Variants in KCNG1 observed in about 807,000 individuals in gnomAD.
KCNG1 encodes potassium voltage-gated channel modifier subfamily G member 1, also known as voltage-gated potassium channel regulatory subunit KCNG1.
In KCNG1, 17 loss-of-function variants were observed where a neutral mutation model predicts 32.4. That is an observed-to-expected ratio of 0.52 (90% CI 0.36 to 0.79). The LOEUF is 0.79. KCNG1 is among the 30% of genes least tolerant of loss of function. The pLI is 0.00. For synonymous variants in KCNG1, 358 were observed against 339.9 expected (o/e 1.05, Z -0.59); for missense variants, 441 against 735.2 (o/e 0.60, Z 4.63).
In KCNG1 at chr20:51,005,201, T is replaced by C. The variant is rs539420875; in HGVS notation, c.775-395A>G. The C allele has an allele frequency of 5.8e-6, 1 of 171,276 alleles. No homozygotes were observed. The highest frequency in any genetic ancestry group is 1.7e-4 in the East Asian group (1 of 5,998). The allele number at this position is 171,276 out of a possible 1,614,324, so 10.6% of individuals were successfully genotyped here. A position where few individuals can be genotyped will look rare whatever the true frequency, so the allele number is the denominator to read the frequency against. ...ATGGCTTAGGACAGGAGACCTGGCG[T>C]CATCCTTACCACCTTGCGTATAACC... On this transcript the variant is annotated intron_variant, in intron 2 of 2. Transcript: ENST00000371571. This position sits in a 1 kb window ranked among gnomAD's most constrained non-coding sequence, Gnocchi z 4.0.
At chr20:51,013,297 T>C (rs1423824968) in intron 1 of KCNG1, among the ~76,000 whole-genome samples, 1 of 150,736 alleles carries the variant, frequency 6.6e-6, no homozygotes, top group Non-Finnish European at 1.5e-5. Context: ...CAAGACTCTG[T>C]CTAAAACAAA....
At chr20:51,014,281 A>G (rs1988198136) in intron 1 of KCNG1, among the ~76,000 whole-genome samples, 1 of 152,202 alleles carries the variant, frequency 6.6e-6, no homozygotes, top group Admixed American at 6.5e-5. Flanking sequence ...TGTGAGATGG[A>G]CGGCTCAGCA....
Position 51,004,941 on chromosome 20 carries a change from T to G in KCNG1, c.775-135A>C, listed in dbSNP as rs1987770422. The G allele has an allele frequency of 1.2e-6, 1 of 854,480 alleles. No individual in the cohort carries two copies. Among genetic ancestry groups the G allele is most frequent in the Non-Finnish European group, 1.7e-6 (1 of 576,136 alleles). The allele number at this position is 854,480 out of a possible 1,614,324, so 52.9% of individuals were successfully genotyped here. A position where few individuals can be genotyped will look rare whatever the true frequency, so the allele number is the denominator to read the frequency against. On this transcript the variant is annotated intron_variant, in intron 2 of 2. Coordinates refer to ENST00000371571, the MANE Select transcript of KCNG1 (RefSeq NM_002237.4). This position sits in a 1 kb window ranked among gnomAD's most constrained non-coding sequence, Gnocchi z 4.3. ...CCAGGTTGAGTGGCCCCGGGTCCTC[T>G]CCCTAGTTGTGCCCACTCCGAGGCC...
Position 51,003,823 on chromosome 20 carries a change from C to T in KCNG1, c.*216G>A. ...GGGGCTGGGCTGATGACCCAGCTTCCTTTCACGGCTGCAGGCGGAGGGGCA... is the reference window on the plus strand; with the variant it reads ...GGGGCTGGGCTGATGACCCAGCTTCTTTTCACGGCTGCAGGCGGAGGGGCA... On this transcript the variant is annotated 3_prime_UTR_variant, in exon 3 of 3. Coordinates refer to ENST00000371571, the MANE Select transcript of KCNG1 (RefSeq NM_002237.4). The T allele has an allele frequency of 1.8e-6, 1 of 565,820 alleles. No homozygotes were observed. Among genetic ancestry groups the T allele is most frequent in the Non-Finnish European group, 3.1e-6 (1 of 322,360 alleles). 35.0% of individuals were successfully genotyped at this position (565,820 alleles called of 1,614,324 possible).
At chr20:51,006,233 GA>G (rs1056016457) in intron 2 of KCNG1, 6 of 152,216 alleles carry the variant, frequency 3.9e-5, no homozygotes, top group South Asian at 2.1e-4. Flanking sequence ...ACCCCAAAAT[GA>G]AGTTGAAGAA....
rs371385702 is a variant in KCNG1 at position 51,014,514 on chromosome 20, G to C, written c.-26-4150C>G. Among the ~76,000 whole-genome samples, 33 of 152,328 alleles carry C rather than the reference G, an allele frequency of 2.2e-4. 3 individuals are homozygous for C. In the South Asian group the frequency reaches 5.2e-3, roughly 24 times the overall value. On this transcript the variant is annotated intron_variant, in intron 1 of 2. Coordinates refer to ENST00000371571, the MANE Select transcript of KCNG1 (RefSeq NM_002237.4). ...GGAAGCTGTTTGAAGCAGAGGCTGCGATGGGGGAGATGAGGTGAAGTCCGG... is the reference window on the plus strand; with the variant it reads ...GGAAGCTGTTTGAAGCAGAGGCTGCCATGGGGGAGATGAGGTGAAGTCCGG...
At chr20:51,020,167 T>C (rs1037483906) in intron 1 of KCNG1, among the ~76,000 whole-genome samples, 14 of 152,348 alleles carry the variant, frequency 9.2e-5, no homozygotes, top group Admixed American at 6.5e-4. Flanking sequence ...CCTGCTGTGC[T>C]GCAGGCAAGC....
At chr20:51,014,637 G>A (rs1477106658) in intron 1 of KCNG1, among the ~76,000 whole-genome samples, 1 of 152,248 alleles carries the variant, frequency 6.6e-6, no homozygotes, top group Non-Finnish European at 1.5e-5. Context: ...AGACACGGCA[G>A]AGAACAAGAC....
chr20:51,004,741 G>A lies in KCNG1; in HGVS notation c.840C>T (p.Ser280=). The A allele has an allele frequency of 6.3e-7, 1 of 1,594,586 alleles. No homozygotes were observed. The highest frequency in any genetic ancestry group is 8.5e-7 in the Non-Finnish European group (1 of 1,170,288). The change falls in exon 3 of 3, where the codon TCC becomes TCT. Residue 280 remains serine (S), a synonymous_variant. Transcript: ENST00000371571. The surrounding 1 kb of genome is among the most constrained non-coding windows in gnomAD (Gnocchi z 4.3). ...IVESVCVGWF[S]LEFLLRLIQA... is the part of the protein sequence containing the mutation. Reference sequence around the variant, plus strand: ...GAATGAGCCGCAGGAGGAACTCCAGGGAGAACCAGCCCACGCACACCGACT... The same window carrying A: ...GAATGAGCCGCAGGAGGAACTCCAGAGAGAACCAGCCCACGCACACCGACT...
chr20:51,010,652 T>C (rs1988048783), intron 1 of KCNG1, among the ~76,000 whole-genome samples: 2 of 152,144 alleles, frequency 1.3e-5, no homozygotes, highest in Non-Finnish European at 2.9e-5. Context: ...CCCAGCACTT[T>C]GGGAGGCCGA....
Position 51,004,699 on chromosome 20 carries a change from G to T in KCNG1, c.882C>A (p.Phe294Leu). The change falls in exon 3 of 3, where the codon TTC (phenylalanine) becomes TTA (leucine). Residue 294 changes from phenylalanine to leucine, a missense_variant. Coordinates refer to ENST00000371571, the MANE Select transcript of KCNG1 (RefSeq NM_002237.4). This position sits in a 1 kb window ranked among gnomAD's most constrained non-coding sequence, Gnocchi z 4.3. The part of the protein sequence containing the change: ...LLRLIQAPSK[F>L]AFLRSPLTLI... ...GCGTCAGCGGGCTCCGCAGGAAGGCGAACTTGCTGGGCGCCTGAATGAGCC... is the reference window on the plus strand; with the variant it reads ...GCGTCAGCGGGCTCCGCAGGAAGGCTAACTTGCTGGGCGCCTGAATGAGCC... 5.0e-6 allele frequency: 8 copies of T among 1,598,136 alleles called. No homozygotes were observed. Among genetic ancestry groups the T allele is most frequent in the Non-Finnish European group, 6.8e-6 (8 of 1,172,562 alleles).
Position 51,004,105 on chromosome 20 carries a change from C to T in KCNG1, c.1476G>A (p.Leu492=), listed in dbSNP as rs750120299. Residue 492 remains leucine (L), a synonymous_variant, in exon 3 of 3, where the codon CTG becomes CTA. Transcript: ENST00000371571. This position sits in a 1 kb window ranked among gnomAD's most constrained non-coding sequence, Gnocchi z 4.3. Reference sequence around the variant, plus strand: ...AGATGTCACTGTCCTGGGACACGCTCAGCTGCGACTTGGTTTTGATGAGGA... The same window carrying T: ...AGATGTCACTGTCCTGGGACACGCTTAGCTGCGACTTGGTTTTGATGAGGA... ...AQFLIKTKSQ[L]SVSQDSDILF... The T allele has an allele frequency of 9.9e-6, 16 of 1,614,232 alleles. No individual in the cohort carries two copies. The highest frequency in any genetic ancestry group is 6.7e-5 in the Admixed American group (4 of 60,032).
At position 51,004,939 on chromosome 20, in the gene KCNG1, T is replaced by C; in HGVS notation, c.775-133A>G. 1.1e-6 allele frequency: 1 copy of C among 886,152 alleles called. No homozygotes were observed. The highest frequency in any genetic ancestry group is 1.7e-6 in the Non-Finnish European group (1 of 603,272). The allele number at this position is 886,152 out of a possible 1,614,324, so 54.9% of individuals were successfully genotyped here. ...CTCCAGGTTGAGTGGCCCCGGGTCC[T>C]CTCCCTAGTTGTGCCCACTCCGAGG... On this transcript the variant is annotated intron_variant, in intron 2 of 2. Transcript: ENST00000371571. The surrounding 1 kb of genome is among the most constrained non-coding windows in gnomAD (Gnocchi z 4.3).
chr20:51,017,139 A>G (rs1383647057), intron 1 of KCNG1, among the ~76,000 whole-genome samples: 1 of 152,210 alleles, frequency 6.6e-6, no homozygotes, highest in African/African-American at 2.4e-5. Context: ...TGTGTTGTTT[A>G]TGGTACCAGG....
intron 1 of KCNG1, among the ~76,000 whole-genome samples, chr20:51,020,382 A>C (rs1030399444): frequency 6.6e-6 from 1 of 152,002 alleles, no homozygotes; most frequent in Non-Finnish European, 1.5e-5. Context: ...GCATGATCGG[A>C]CCTGCCCGGG....
At position 51,004,850 on chromosome 20, in the gene KCNG1, C is replaced by T. The variant is rs776611087; in HGVS notation, c.775-44G>A. ...GACGCCGGAGGGGTCAGCGGGCCCT[C>T]CAGGAAAGGAGGGCAGAAGCTCTGC... On this transcript the variant is annotated intron_variant, in intron 2 of 2. Coordinates refer to ENST00000371571, the MANE Select transcript of KCNG1 (RefSeq NM_002237.4). This position sits in a 1 kb window ranked among gnomAD's most constrained non-coding sequence, Gnocchi z 4.3. 1 of 1,480,364 alleles carries T rather than the reference C, an allele frequency of 6.8e-7. No homozygotes were observed. The highest frequency in any genetic ancestry group is 9.0e-7 in the Non-Finnish European group (1 of 1,109,410). The allele number at this position is 1,480,364 out of a possible 1,614,324, so 91.7% of individuals were successfully genotyped here.
At chr20:51,010,943 A>G (rs1420021898) in intron 1 of KCNG1, among the ~76,000 whole-genome samples, 1 of 151,324 alleles carries the variant, frequency 6.6e-6, no homozygotes, top group Admixed American at 6.6e-5. Flanking sequence ...AAAAAGAAGA[A>G]GAGGAAGAGA....
At position 51,010,383 on chromosome 20, in the gene KCNG1, G is replaced by A. The variant is rs1291479725; in HGVS notation, c.-26-19C>T. 6.8e-7 allele frequency: 1 copy of A among 1,475,778 alleles called. No homozygotes were observed. The highest frequency in any genetic ancestry group is 9.0e-7 in the Non-Finnish European group (1 of 1,112,324). 91.4% of individuals were successfully genotyped at this position (1,475,778 alleles called of 1,614,324 possible). A position where few individuals can be genotyped will look rare whatever the true frequency, so the allele number is the denominator to read the frequency against. ...CTCGGGCCTGTGGGGAGAAGGGAGG[G>A]AAGACCCTCAGTGACCACCCCTAGC... On this transcript the variant is annotated intron_variant, in intron 1 of 2. Coordinates refer to ENST00000371571, the MANE Select transcript of KCNG1 (RefSeq NM_002237.4).
intron 1 of KCNG1, among the ~76,000 whole-genome samples, chr20:51,011,884 C>T (rs1046212005): frequency 2.6e-5 from 4 of 152,190 alleles, no homozygotes; most frequent in Non-Finnish European, 5.9e-5. Context: ...GCAATCTCCG[C>T]GCCGCGGGTT....
Sources: gnomAD v4.1 joint callset for allele counts (sites outside exome capture counted in the v4.1 genomes callset) on GRCh38, gnomAD v4.1.1 for gene constraint, Gnocchi (gnomAD v3.1) non-coding constraint, MANE v1.5 for transcripts, NCBI Gene and HGNC (gene_info 2026-07-23, HGNC 2026-07-21) for gene names.